The following TNFAIP8 variants were observed in gnomAD, a reference collection of about 807,000 sequenced individuals.
The protein encoded by TNFAIP8 is tumor necrosis factor alpha-induced protein 8.
Under a neutral mutation model 13.3 loss-of-function variants are expected in TNFAIP8, and 7 were observed. That is an observed-to-expected ratio of 0.52 (90% CI 0.30 to 0.99). TNFAIP8 has a LOEUF of 0.99. Ranked by LOEUF, TNFAIP8 falls within the 50% of genes least tolerant of loss-of-function variation. The probability of loss-of-function intolerance (pLI) is 0.07; values close to 1 mark genes in which losing one functional copy is unlikely to be tolerated. For missense variants in TNFAIP8, 258 were observed against 236.9 expected, an observed-to-expected ratio of 1.09 and a Z score of -0.58; for synonymous variants, 94 against 87.6, an observed-to-expected ratio of 1.07 and a Z score of -0.41.
chr5:119,280,679 A>G (rs911240780), intron 1 of TNFAIP8, among the ~76,000 whole-genome samples: 5 of 152,148 alleles, frequency 3.3e-5, no homozygotes, highest in Admixed American at 3.3e-4. Context: ...TCGATCTGTT[A>G]ATTCAGTGGG....
At chr5:119,290,454 T>C (rs2150810283) in intron 1 of TNFAIP8, among the ~76,000 whole-genome samples, 1 of 152,284 alleles carries the variant, frequency 6.6e-6, no homozygotes, top group African/African-American at 2.4e-5. Context: ...GTAAACCTCT[T>C]CACAGGTTTA....
chr5:119,315,493 G>C (rs1749866377), intron 1 of TNFAIP8, among the ~76,000 whole-genome samples: 2 of 152,176 alleles, frequency 1.3e-5, no homozygotes, highest in African/African-American at 4.8e-5. Flanking sequence ...AACAGACAAT[G>C]TGTGTTGGCA....
intron 1 of TNFAIP8, among the ~76,000 whole-genome samples, chr5:119,343,145 G>GTGGCTAGTAAGGT (rs561994489): frequency 0.023 from 3,569 of 152,264 alleles, 49 homozygotes; most frequent in Non-Finnish European, 0.036. Flanking sequence ...GGGTTGATAG[G>GTGGCTAGTAAGGT]TGGCTAGTAA....
chr5:119,368,773 A>G (rs371700767), intron 1 of TNFAIP8, among the ~76,000 whole-genome samples: 3 of 152,286 alleles, frequency 2.0e-5, no homozygotes, highest in African/African-American at 7.2e-5. Context: ...AAACTTAGCA[A>G]TAAACCATGT....
intron 1 of TNFAIP8, among the ~76,000 whole-genome samples, chr5:119,392,609 C>T (rs1180213568): frequency 6.6e-6 from 1 of 152,154 alleles, no homozygotes; most frequent in East Asian, 1.9e-4. Context: ...ACCTCAGTCT[C>T]CCAAAGTGTT....
chr5:119,360,713 G>T (rs979713627), intron 1 of TNFAIP8, among the ~76,000 whole-genome samples: 1 of 152,014 alleles, frequency 6.6e-6, no homozygotes, highest in African/African-American at 2.4e-5. Flanking sequence ...AGCATCCTGG[G>T]TATTTGTATG....
intron 1 of TNFAIP8, among the ~76,000 whole-genome samples, chr5:119,277,599 C>G (rs542586521): frequency 4.3e-4 from 65 of 152,324 alleles, no homozygotes; most frequent in African/African-American, 1.4e-3. Context: ...CCTCTTTAAA[C>G]ATTCTGTTTC....
chr5:119,289,968 C>T (rs780525319), intron 1 of TNFAIP8, among the ~76,000 whole-genome samples: 3 of 152,190 alleles, frequency 2.0e-5, no homozygotes, highest in East Asian at 1.9e-4. Flanking sequence ...GCTTCACCAA[C>T]GATTTCATTA....
intron 1 of TNFAIP8, among the ~76,000 whole-genome samples, chr5:119,329,317 AT>A (rs1428928752): frequency 4.6e-5 from 7 of 152,198 alleles, no homozygotes; most frequent in Admixed American, 4.6e-4. Context: ...GTACTACATG[AT>A]AAAAAGGCCT....
chr5:119,397,212 G>A lies in TNFAIP8; in HGVS notation c.*3831G>A, dbSNP rs1753095939. On this transcript the variant is annotated 3_prime_UTR_variant, in exon 2 of 2. Transcript: ENST00000504771. ...TTTTGTGGTCTGTACCGGTCAGTTG[G>A]ATTTTTACTAAGAATTTTAATTTAT... 6.6e-6 allele frequency: 1 copy of A among 151,750 alleles called. No homozygotes were observed. The highest frequency in any genetic ancestry group is 2.1e-4 in the South Asian group (1 of 4,816). 9.4% of individuals were successfully genotyped at this position (151,750 alleles called of 1,614,324 possible). A position where few individuals can be genotyped will look rare whatever the true frequency, so the allele number is the denominator to read the frequency against.
At chr5:119,360,154 T>C (rs1751579186) in intron 1 of TNFAIP8, among the ~76,000 whole-genome samples, 1 of 152,178 alleles carries the variant, frequency 6.6e-6, no homozygotes, top group South Asian at 2.1e-4. Context: ...CATTGAACAG[T>C]CAGGATTATA....
At chr5:119,356,451 G>T (rs1202770863) in intron 1 of TNFAIP8, among the ~76,000 whole-genome samples, 2 of 152,004 alleles carry the variant, frequency 1.3e-5, no homozygotes, top group Admixed American at 1.3e-4. Context: ...AGGGCTGCCT[G>T]CCTGCATCAG....
In TNFAIP8 at chr5:119,384,284, A is replaced by G. The variant is rs187861412; in HGVS notation, c.32-8532A>G. ...TGGATCACCTGAGGTCAGGAGTTCG[A>G]GACCAGCCTGGCCAACATGGCAAAA... On this transcript the variant is annotated intron_variant, in intron 1 of 1. Transcript: ENST00000504771. Among the ~76,000 whole-genome samples the G allele has an allele frequency of 2.0e-5, 3 of 152,328 alleles. No homozygotes were observed. In the East Asian group the frequency reaches 5.8e-4, roughly 29 times the overall value.
intron 1 of TNFAIP8, among the ~76,000 whole-genome samples, chr5:119,308,357 G>A (rs1260505818): frequency 6.8e-6 from 1 of 147,678 alleles, no homozygotes; most frequent in East Asian, 2.0e-4. Flanking sequence ...AATTAGCTTT[G>A]AAATCTATAT....
chr5:119,323,919 G>A (rs931970593), intron 1 of TNFAIP8, among the ~76,000 whole-genome samples: 5 of 152,170 alleles, frequency 3.3e-5, no homozygotes, highest in Non-Finnish European at 7.4e-5. Flanking sequence ...TTGGGAAGAA[G>A]GCTTGGAACA....
intron 1 of TNFAIP8, among the ~76,000 whole-genome samples, chr5:119,288,502 G>A (rs150628432): frequency 1.3e-5 from 2 of 152,328 alleles, no homozygotes; most frequent in African/African-American, 4.8e-5. Flanking sequence ...CTGGAAAAAA[G>A]TTTTCTTTAA....
chr5:119,371,645 C>G (rs1386409835), intron 1 of TNFAIP8, among the ~76,000 whole-genome samples: 2 of 152,110 alleles, frequency 1.3e-5, no homozygotes, highest in East Asian at 3.8e-4. Context: ...TAAGCATGTA[C>G]TTTTTATAAT....
chr5:119,272,751 G>A (rs765831045), intron 1 of TNFAIP8, among the ~76,000 whole-genome samples: 3 of 152,204 alleles, frequency 2.0e-5, no homozygotes, highest in Non-Finnish European at 2.9e-5. Context: ...AACTAAGGTA[G>A]CTGAGGTTCA....
intron 1 of TNFAIP8, among the ~76,000 whole-genome samples, chr5:119,302,656 C>G (rs1749432303): frequency 6.6e-6 from 1 of 152,212 alleles, no homozygotes; most frequent in Non-Finnish European, 1.5e-5. Flanking sequence ...GTGTTGCTCA[C>G]TTGACCATCA....
Sources: allele counts gnomAD v4.1 joint callset (sites outside exome capture counted in the v4.1 genomes callset), GRCh38; gene constraint gnomAD v4.1.1; transcripts MANE v1.5; gene names NCBI Gene and HGNC (gene_info 2026-07-23, HGNC 2026-07-21).